Variants in OMD observed in about 807,000 individuals in gnomAD.
The protein encoded by OMD is KSPG osteomodulin.
A neutral mutation model predicts 31.2 loss-of-function variants in OMD; 19 were observed. That is an observed-to-expected ratio of 0.61 (90% CI 0.42 to 0.89). The LOEUF (loss-of-function observed/expected upper bound fraction) is 0.89, where lower values mean the gene tolerates loss of function less well. Ranked by LOEUF, OMD falls within the 40% of genes least tolerant of loss-of-function variation. OMD has a pLI of 0.00. For synonymous variants in OMD, 155 were observed against 166.4 expected, an observed-to-expected ratio of 0.93 and a Z score of 0.53; for missense variants, 448 against 490.8, an observed-to-expected ratio of 0.91 and a Z score of 0.82.
rs893855754 is a variant in OMD at position 92,412,892 on chromosome 9, T to C, written c.*2260A>G. Reference sequence around the variant, plus strand: ...GATAATGCTGCTGTGGACATTTATATGCAAATTTTGGTGTGAACATGTGTG... The same window carrying C: ...GATAATGCTGCTGTGGACATTTATACGCAAATTTTGGTGTGAACATGTGTG... On this transcript the variant is annotated 3_prime_UTR_variant, in exon 3 of 3. Transcript: ENST00000375550. Among the ~76,000 whole-genome samples, 12 of 151,896 alleles carry C rather than the reference T, an allele frequency of 7.9e-5. No homozygotes were observed. The highest frequency in any genetic ancestry group is 2.9e-4 in the African/African-American group (12 of 41,334).
chr9:92,420,746 G>T (rs1843766343), intron 1 of OMD, among the ~76,000 whole-genome samples: 1 of 150,910 alleles, frequency 6.6e-6, no homozygotes, highest in Admixed American at 6.6e-5. Context: ...AATGGTTTGG[G>T]TTTTGTTTTT....
chr9:92,418,619 G>A (rs1032169425), intron 1 of OMD, among the ~76,000 whole-genome samples: 6 of 152,106 alleles, frequency 3.9e-5, no homozygotes, highest in Non-Finnish European at 8.8e-5. Flanking sequence ...ACTGCCTGGG[G>A]GAGGAAAGAC....
At chr9:92,423,960 T>C (rs1843890918) in intron 1 of OMD, among the ~76,000 whole-genome samples, 3 of 151,748 alleles carry the variant, frequency 2.0e-5, no homozygotes, top group Admixed American at 2.0e-4. Flanking sequence ...TAAAAAAAAA[T>C]CTAAACAAAG....
At chr9:92,420,008 T>C (rs1164823170) in intron 1 of OMD, among the ~76,000 whole-genome samples, 2 of 152,210 alleles carry the variant, frequency 1.3e-5, no homozygotes. Flanking sequence ...ATTGTGTGTA[T>C]TTGGAATTTG....
In OMD at chr9:92,414,798, T is replaced by C; in HGVS notation, c.*354A>G. On this transcript the variant is annotated 3_prime_UTR_variant, in exon 3 of 3. Transcript: ENST00000375550. ...AAGGTCATGGCCTGTGGGTCTTTAC[T>C]GCTAATGCTACTTCCTTCCTCATTT... 4.2e-6 allele frequency: 1 copy of C among 236,646 alleles called. No homozygotes were observed. The allele number at this position is 236,646 out of a possible 1,614,324, so 14.7% of individuals were successfully genotyped here.
intron 1 of OMD, among the ~76,000 whole-genome samples, chr9:92,422,728 A>G (rs1462707453): frequency 2.0e-5 from 3 of 152,024 alleles, no homozygotes; most frequent in South Asian, 2.1e-4. Flanking sequence ...GTTTTCATCT[A>G]TATGCTCATT....
Position 92,416,102 on chromosome 9 carries a change from T to A in OMD, c.940+517A>T, listed in dbSNP as rs866084948. Among the ~76,000 whole-genome samples, 1,090 of 140,072 alleles carry A rather than the reference T, an allele frequency of 7.8e-3. 17 individuals carry two copies. The highest frequency in any genetic ancestry group is 0.027 in the African/African-American group (973 of 36,530). The allele number at this position is 140,072 out of a possible 152,430, so 91.9% of individuals were successfully genotyped here. ...TATTTATTTATTTATTTATTTATTT[T>A]ATTTTTTTTTTTTTTAAGACAGAGT... On this transcript the variant is annotated intron_variant, in intron 2 of 2. Transcript: ENST00000375550.
chr9:92,416,106 T>A (rs917172024), intron 2 of OMD, among the ~76,000 whole-genome samples: 17 of 142,332 alleles, frequency 1.2e-4, no homozygotes, highest in Admixed American at 6.3e-4. Context: ...TTATTTTATT[T>A]TTTTTTTTTT....
chr9:92,420,482 G>C (rs1843756164), intron 1 of OMD, among the ~76,000 whole-genome samples: 1 of 152,112 alleles, frequency 6.6e-6, no homozygotes, highest in Admixed American at 6.6e-5. Flanking sequence ...CATGGTGACT[G>C]GTCTCACTCT....
In OMD at chr9:92,416,825, A is replaced by G. The variant is rs1843628129; in HGVS notation, c.734T>C (p.Ile245Thr). 1 of 1,613,944 alleles carries G rather than the reference A, an allele frequency of 6.2e-7. No individual in the cohort carries two copies. Among genetic ancestry groups the G allele is most frequent in the Non-Finnish European group, 8.5e-7 (1 of 1,179,896 alleles). Residue 245 changes from isoleucine (I) to threonine (T), a missense_variant, in exon 2 of 3, where the codon ATT becomes ACT. Ile to Thr is a moderately conservative substitution (Grantham distance 89, BLOSUM62 -1). Coordinates refer to ENST00000375550, the MANE Select transcript of OMD (RefSeq NM_005014.3). ...LMYLSLENNS[I>T]SSIPEKYFDK... ...GAAGTATTTTTCGGGTATAGAAGAA[A>G]TTGAATTATTTTCTAAAGACAGATA...
intron 1 of OMD, among the ~76,000 whole-genome samples, chr9:92,423,576 C>T (rs1843878543): frequency 6.6e-6 from 1 of 151,652 alleles, no homozygotes; most frequent in South Asian, 2.1e-4. Context: ...AATTTTTTTG[C>T]TATTAAAAAT....
intron 2 of OMD, among the ~76,000 whole-genome samples, chr9:92,416,063 TA>T (rs1315454355): frequency 1.0e-5 from 1 of 97,080 alleles, no homozygotes; most frequent in East Asian, 1.1e-3. Context: ...TGTGTGTATA[TA>T]TATATATTTA....
At chr9:92,417,743 A>C (rs1843662121) in intron 1 of OMD, among the ~76,000 whole-genome samples, 169 bp from the exon 2 acceptor site, 1 of 152,106 alleles carries the variant, frequency 6.6e-6, no homozygotes, top group Non-Finnish European at 1.5e-5. Context: ...TTTTTGTGAC[A>C]GTGTCTCCTC....
At chr9:92,418,731 G>A (rs1338881662) in intron 1 of OMD, among the ~76,000 whole-genome samples, 1 of 152,102 alleles carries the variant, frequency 6.6e-6, no homozygotes, top group Admixed American at 6.5e-5. Flanking sequence ...TCCCTTTTGT[G>A]TGATAACTTC....
rs376470384 is a variant in OMD, at chr9:92,416,709, C to G, written c.850G>C (p.Glu284Gln). 85 of 1,613,140 alleles carry G rather than the reference C, an allele frequency of 5.3e-5. No individual in the cohort carries two copies. Among genetic ancestry groups the G allele is most frequent in the Non-Finnish European group, 6.6e-5 (78 of 1,179,488 alleles). ...YNIFNLPNIV[E>Q]LSVGHNKLKQ... ...AATTTGTTGTGTCCAACACTGAGTTCTACAATGTTGGGAAGATTAAAAATA... is the reference window on the plus strand; with the variant it reads ...AATTTGTTGTGTCCAACACTGAGTTGTACAATGTTGGGAAGATTAAAAATA... The change falls in exon 2 of 3, where the codon GAA (glutamate) becomes CAA (glutamine). Residue 284 changes from glutamate to glutamine, a missense_variant. Transcript: ENST00000375550.
rs1460539317 is a variant in OMD, at chr9:92,416,874, G to C, written c.685C>G (p.Pro229Ala). Residue 229 changes from proline to alanine, a missense_variant, in exon 2 of 3, where the codon CCT (proline) becomes GCT (alanine). Transcript: ENST00000375550. ...TACATAAGTGAAGAAGGCAAACCAG[G>C]AGGCATTGATTCTAATCTGTTACTG... is the stretch of plus-strand genomic sequence containing the variant. Reference protein sequence around the residue: ...LCSNRLESMPPGLPSSLMYLS... With the variant: ...LCSNRLESMPAGLPSSLMYLS... The C allele has an allele frequency of 6.2e-6, 10 of 1,613,804 alleles. No homozygotes were observed. The highest frequency in any genetic ancestry group is 8.5e-6 in the Non-Finnish European group (10 of 1,179,938).
rs770074070 is a variant in OMD, at chr9:92,417,540, T to G, written c.19A>C (p.Ile7Leu). MGFLSPIYVIFFFFGVK... is the reference protein window; with the variant it reads MGFLSPLYVIFFFFGVK... ...CCAAAAAAGAAGAAAATAACATATA[T>G]TGGACTTAAAAAACCCATCTTCTTT... is the stretch of plus-strand genomic sequence containing the variant. Residue 7 changes from isoleucine (I) to leucine (L), a missense_variant, in exon 2 of 3, where the codon ATA becomes CTA. By Grantham distance (5) the Ile-to-Leu change is conservative (BLOSUM62 2). Transcript: ENST00000375550. 8.9e-6 allele frequency: 14 copies of G among 1,576,640 alleles called. No homozygotes were observed. In the East Asian group the frequency reaches 3.1e-4, roughly 35 times the overall value.
At chr9:92,421,087 C>G (rs1843776991) in intron 1 of OMD, among the ~76,000 whole-genome samples, 1 of 152,138 alleles carries the variant, frequency 6.6e-6, no homozygotes, top group Non-Finnish European at 1.5e-5. Context: ...CTCTGTCACC[C>G]AGGCTGGAGC....
chr9:92,417,620 T>G, intron 1 of OMD, 46 bp from the exon 2 acceptor site: 1 of 948,100 alleles, frequency 1.1e-6, no homozygotes, highest in Non-Finnish European at 1.6e-6. Flanking sequence ...GTGAGTAAAC[T>G]CAGAATACGC....
Sources: gnomAD v4.1 joint callset for allele counts (sites outside exome capture counted in the v4.1 genomes callset) on GRCh38, gnomAD v4.1.1 for gene constraint, MANE v1.5 for transcripts, NCBI Gene and HGNC (gene_info 2026-07-23, HGNC 2026-07-21) for gene names.